Variants in TLK1 observed in about 807,000 individuals in gnomAD.
TLK1 encodes the protein serine/threonine-protein kinase tousled-like 1.
TLK1 carries 24 observed loss-of-function variants against 105.3 expected under a neutral mutation model. The observed-to-expected ratio is 0.23, with a 90% confidence interval of 0.17 to 0.32. The LOEUF (loss-of-function observed/expected upper bound fraction) is 0.32. Among genes scored for constraint, TLK1 ranks in the 10% least tolerant of loss-of-function variants. The pLI is 1.00. For missense variants in TLK1, 558 were observed against 910.5 expected (o/e 0.61, Z 4.98); for synonymous variants, 321 against 310.4 (o/e 1.03, Z -0.36).
intron 11 of TLK1, among the ~76,000 whole-genome samples, chr2:171,043,291 C>T (rs904795715): frequency 1.3e-5 from 2 of 152,038 alleles, no homozygotes; most frequent in African/African-American, 4.8e-5. Flanking sequence ...CGATAACTAC[C>T]GTGGGACTTA....
intron 3 of TLK1, among the ~76,000 whole-genome samples, chr2:171,082,146 C>T (rs753124085): frequency 4.6e-5 from 7 of 151,980 alleles, no homozygotes; most frequent in African/African-American, 1.4e-4. Context: ...CTAAAACTCA[C>T]GGAACTTCCT....
chr2:171,135,612 C>T (rs1235301567), intron 1 of TLK1, among the ~76,000 whole-genome samples: 1 of 151,786 alleles, frequency 6.6e-6, no homozygotes, highest in Non-Finnish European at 1.5e-5. Flanking sequence ...ACCATCCTGG[C>T]CAACATGGTA....
rs146891897 is a variant in TLK1 at position 171,093,486 on chromosome 2, A to G, written c.259-10634T>C. ...CTGAAACAAAGTGAACTGTATGTTC[A>G]AAGGAAAGATGTGAAAAACCATATC... On this transcript the variant is annotated intron_variant, in intron 2 of 20. Coordinates refer to ENST00000431350, the MANE Select transcript of TLK1 (RefSeq NM_012290.5). 3.0e-3 allele frequency among the ~76,000 whole-genome samples: 457 copies of G among 152,324 alleles called. 1 individual carries two copies. The highest frequency in any genetic ancestry group is 0.01 in the African/African-American group (422 of 41,578).
chr2:171,123,713 A>T (rs1456515684), intron 1 of TLK1, among the ~76,000 whole-genome samples: 4 of 152,172 alleles, frequency 2.6e-5, no homozygotes, highest in African/African-American at 9.6e-5. Context: ...CAGGAGGCTG[A>T]GGTAGGAGAA....
At chr2:170,998,167 T>G (rs1344417368) in intron 18 of TLK1, among the ~76,000 whole-genome samples, 2 of 151,946 alleles carry the variant, frequency 1.3e-5, no homozygotes, top group Non-Finnish European at 2.9e-5. Context: ...TTATTTGCAG[T>G]ATCTAATAAT....
intron 10 of TLK1, 122 bp downstream of exon 10, chr2:171,049,692 A>T: frequency 8.2e-7 from 1 of 1,216,604 alleles, no homozygotes; most frequent in Non-Finnish European, 1.1e-6. Flanking sequence ...TTTCAAAGGT[A>T]CTAAATTCTA....
chr2:171,160,473 G>T lies in TLK1; in HGVS notation c.-45C>A, dbSNP rs770879038. On this transcript the variant is annotated 5_prime_UTR_variant, in exon 1 of 21. Transcript: ENST00000431350. The surrounding 1 kb of genome is among the most constrained non-coding windows in gnomAD (Gnocchi z 4.4). ...CCGACTCCCCCCCTGCGACGGCAGCGGCGGCAACGGCACCGGCACCCGCCT... is the reference window on the plus strand; with the variant it reads ...CCGACTCCCCCCCTGCGACGGCAGCTGCGGCAACGGCACCGGCACCCGCCT... 6.4e-7 allele frequency: 1 copy of T among 1,572,180 alleles called. No homozygotes were observed. The highest frequency in any genetic ancestry group is 8.6e-7 in the Non-Finnish European group (1 of 1,163,760).
At chr2:171,003,167 A>G (rs918784698) in intron 18 of TLK1, among the ~76,000 whole-genome samples, 1 of 148,084 alleles carries the variant, frequency 6.8e-6, no homozygotes, top group African/African-American at 2.5e-5. Context: ...CCGGCTGCTC[A>G]GGAGGCTGAG....
At position 171,160,501 on chromosome 2, in the gene TLK1, G is replaced by A. The variant is rs1002121644; in HGVS notation, c.-73C>T. ...GGCAACGGCACCGGCACCCGCCTCC[G>A]TCATGGCGGGGGCCGCGCTGAGGGC... On this transcript the variant is annotated 5_prime_UTR_variant, in exon 1 of 21. It adds an upstream start codon to the 5' untranslated region. Coordinates refer to ENST00000431350, the MANE Select transcript of TLK1 (RefSeq NM_012290.5). This position sits in a 1 kb window ranked among gnomAD's most constrained non-coding sequence, Gnocchi z 4.4. The A allele has an allele frequency of 1.2e-4, 194 of 1,569,558 alleles. No individual in the cohort carries two copies. The Middle Eastern group carries it at 1.6e-3, about 13-fold the overall frequency.
chr2:171,188,836 C>T (rs1457434046), intron 1 of TLK1, among the ~76,000 whole-genome samples: 1 of 150,362 alleles, frequency 6.7e-6, no homozygotes, highest in Admixed American at 6.6e-5. Flanking sequence ...GATCAGGCCA[C>T]TGCACTCCAG....
At chr2:170,997,392 G>GTT (rs1559331025) in intron 19 of TLK1, among the ~76,000 whole-genome samples, 1 of 152,164 alleles carries the variant, frequency 6.6e-6, no homozygotes, top group Admixed American at 6.5e-5. Flanking sequence ...GGTGGGGGGT[G>GTT]TAAGAGGAGG....
chr2:171,028,429 C>A, intron 11 of TLK1, 24 bp from the exon 12 acceptor site: 1 of 1,482,642 alleles, frequency 6.7e-7, no homozygotes, highest in Non-Finnish European at 9.4e-7. Flanking sequence ...AATTTTAATT[C>A]TACATATTGA....
At chr2:171,125,110 C>G (rs534459712) in intron 1 of TLK1, among the ~76,000 whole-genome samples, 2 of 152,326 alleles carry the variant, frequency 1.3e-5, no homozygotes, top group Admixed American at 6.5e-5. Context: ...TTAATTAACT[C>G]AACATCAGTA....
chr2:171,040,076 T>A (rs1250990342), intron 11 of TLK1, among the ~76,000 whole-genome samples: 1 of 151,936 alleles, frequency 6.6e-6, no homozygotes, highest in East Asian at 1.9e-4. Flanking sequence ...ATGCTCATAC[T>A]GTAATAGAGA....
intron 1 of TLK1, among the ~76,000 whole-genome samples, chr2:171,141,333 T>C (rs903697344): frequency 2.6e-5 from 4 of 152,226 alleles, no homozygotes; most frequent in Non-Finnish European, 5.9e-5. Flanking sequence ...ATTTGTCTAC[T>C]GAGAACTTAA....
At chr2:171,010,389 T>C (rs1316709027) in intron 14 of TLK1, among the ~76,000 whole-genome samples, 1 of 152,136 alleles carries the variant, frequency 6.6e-6, no homozygotes, top group Non-Finnish European at 1.5e-5. Flanking sequence ...ATTTCAAATG[T>C]GAGTTTCCAG....
At chr2:171,143,040 T>C (rs1691646404) in intron 1 of TLK1, among the ~76,000 whole-genome samples, 1 of 152,142 alleles carries the variant, frequency 6.6e-6, no homozygotes, top group Non-Finnish European at 1.5e-5. Flanking sequence ...ATCATGCCAC[T>C]ACTCCAGCCT....
intron 2 of TLK1, among the ~76,000 whole-genome samples, chr2:171,094,189 C>A (rs1689356985): frequency 6.6e-6 from 1 of 152,018 alleles, no homozygotes; most frequent in Admixed American, 6.6e-5. Context: ...CAGTGAAACG[C>A]AATTGCAAAA....
intron 1 of TLK1, among the ~76,000 whole-genome samples, chr2:171,180,937 G>T (rs1334587204): frequency 6.6e-6 from 1 of 151,950 alleles, no homozygotes; most frequent in African/African-American, 2.4e-5. Context: ...CAGAGACTTG[G>T]GGCTTTAAAA....
Sources: gnomAD v4.1 joint callset for allele counts (sites outside exome capture counted in the v4.1 genomes callset) on GRCh38, gnomAD v4.1.1 for gene constraint, Gnocchi (gnomAD v3.1) non-coding constraint, MANE v1.5 for transcripts, NCBI Gene and HGNC (gene_info 2026-07-23, HGNC 2026-07-21) for gene names.